FAM169A: variants seen among roughly 807,000 people sequenced by gnomAD.
FAM169A encodes the protein soluble lamin-associated protein of 75 kDa.
Under a neutral mutation model 75.7 loss-of-function variants are expected in FAM169A, and 24 were observed. The observed-to-expected ratio is 0.32, with a 90% CI of 0.23 to 0.45. The LOEUF is 0.45. Among genes scored for constraint, FAM169A ranks in the 20% least tolerant of loss-of-function variants. FAM169A has a pLI of 1.00. For synonymous variants in FAM169A, 271 were observed against 271.0 expected, an observed-to-expected ratio of 1.00 and a Z score of 0.00; for missense variants, 673 against 784.0, an observed-to-expected ratio of 0.86 and a Z score of 1.69.
intron 1 of FAM169A, among the ~76,000 whole-genome samples, chr5:74,856,595 C>T (rs1464623828): frequency 6.6e-6 from 1 of 151,916 alleles, no homozygotes; most frequent in Non-Finnish European, 1.5e-5. Flanking sequence ...AAATACACTA[C>T]ATTGCACTAT....
intron 6 of FAM169A, among the ~76,000 whole-genome samples, chr5:74,810,677 G>A (rs1747133726): frequency 6.7e-6 from 1 of 150,292 alleles, no homozygotes; most frequent in South Asian, 2.1e-4. Context: ...GTGAACCCGG[G>A]AGGCAGAGCT....
intron 10 of FAM169A, among the ~76,000 whole-genome samples, chr5:74,797,785 C>T (rs1746356127): frequency 6.6e-6 from 1 of 150,708 alleles, no homozygotes; most frequent in Non-Finnish European, 1.5e-5. Flanking sequence ...GATAAGGAGT[C>T]AGCAAACCTT....
chr5:74,819,751 C>G (rs998302498), intron 5 of FAM169A, among the ~76,000 whole-genome samples: 29 of 152,100 alleles, frequency 1.9e-4, no homozygotes, highest in African/African-American at 6.8e-4. Context: ...ATACATGCTA[C>G]CATATGAATA....
intron 5 of FAM169A, among the ~76,000 whole-genome samples, chr5:74,823,864 AC>A (rs1272393440): frequency 6.6e-6 from 1 of 152,194 alleles, no homozygotes; most frequent in Non-Finnish European, 1.5e-5. Context: ...GCTGGGTTTC[AC>A]TTTTAGCTAT....
At chr5:74,836,873 G>A (rs1008526463) in intron 4 of FAM169A, among the ~76,000 whole-genome samples, 1 of 151,846 alleles carries the variant, frequency 6.6e-6, no homozygotes. Flanking sequence ...GCTTGAACCC[G>A]GGAGGCAGAG....
chr5:74,816,295 T>C (rs926911996), intron 5 of FAM169A, among the ~76,000 whole-genome samples: 5 of 152,226 alleles, frequency 3.3e-5, no homozygotes, highest in African/African-American at 1.2e-4. Flanking sequence ...TCTGAGGATC[T>C]ATGGTTGTTC....
intron 5 of FAM169A, among the ~76,000 whole-genome samples, chr5:74,818,912 C>A (rs1384123791): frequency 6.6e-6 from 1 of 151,170 alleles, no homozygotes; most frequent in African/African-American, 2.4e-5. Flanking sequence ...GTTTTTAAAA[C>A]AACCCAATTA....
intron 5 of FAM169A, among the ~76,000 whole-genome samples, chr5:74,815,849 T>C (rs1335682549): frequency 6.6e-6 from 1 of 152,160 alleles, no homozygotes; most frequent in Non-Finnish European, 1.5e-5. Context: ...CCAAATGCCA[T>C]GGCAACATCA....
intron 1 of FAM169A, among the ~76,000 whole-genome samples, chr5:74,843,012 T>C (rs1748963622): frequency 6.6e-6 from 1 of 151,002 alleles, no homozygotes; most frequent in Non-Finnish European, 1.5e-5. Context: ...AAAATTAGCA[T>C]ACATAAAGAC....
intron 5 of FAM169A, among the ~76,000 whole-genome samples, chr5:74,819,993 CTTT>C (rs56815603): frequency 6.7e-5 from 8 of 119,070 alleles, no homozygotes; most frequent in African/African-American, 2.0e-4. Flanking sequence ...GAATTGTATC[CTTT>C]TTTTTTTTTT....
intron 6 of FAM169A, among the ~76,000 whole-genome samples, chr5:74,808,011 A>C (rs1452581478): frequency 6.6e-6 from 1 of 152,190 alleles, no homozygotes; most frequent in East Asian, 1.9e-4. Flanking sequence ...AGGCAGGAGA[A>C]TCACTTGAAC....
chr5:74,839,898 G>A (rs541281590), intron 3 of FAM169A, among the ~76,000 whole-genome samples, 176 bp downstream of exon 3: 3 of 152,010 alleles, frequency 2.0e-5, no homozygotes, highest in African/African-American at 7.2e-5. Flanking sequence ...TGTGATAGCA[G>A]ACATTCATCC....
chr5:74,804,667 T>C (rs565651872), intron 7 of FAM169A, 62 bp from the exon 8 acceptor site: 2 of 912,028 alleles, frequency 2.2e-6, no homozygotes, highest in South Asian at 3.5e-5. Context: ...ACTCTAACAT[T>C]GTACTGATTT....
chr5:74,847,954 A>G (rs765990428), intron 1 of FAM169A, among the ~76,000 whole-genome samples: 3 of 152,168 alleles, frequency 2.0e-5, no homozygotes. Flanking sequence ...CAGGGGAGAA[A>G]CCCCTTAGTT....
intron 1 of FAM169A, among the ~76,000 whole-genome samples, chr5:74,842,175 A>G (rs1370503791): frequency 7.8e-6 from 1 of 127,644 alleles, no homozygotes; most frequent in East Asian, 2.0e-4. Flanking sequence ...TAATTCCAGC[A>G]CTTTGGGGGG....
intron 5 of FAM169A, among the ~76,000 whole-genome samples, chr5:74,827,810 C>G (rs961690308): frequency 6.6e-6 from 1 of 151,638 alleles, no homozygotes; most frequent in Non-Finnish European, 1.5e-5. Flanking sequence ...TTACAGGAAC[C>G]CGCCATCATG....
chr5:74,835,833 T>C (rs1429831471), intron 4 of FAM169A, among the ~76,000 whole-genome samples: 1 of 152,168 alleles, frequency 6.6e-6, no homozygotes, highest in Non-Finnish European at 1.5e-5. Flanking sequence ...CCCACAGTTC[T>C]GACCAACAAC....
At chr5:74,822,189 C>A (rs1747798094) in intron 5 of FAM169A, among the ~76,000 whole-genome samples, 1 of 152,222 alleles carries the variant, frequency 6.6e-6, no homozygotes, top group African/African-American at 2.4e-5. Flanking sequence ...ACCAGGGCCA[C>A]CAAGTTCCTT....
chr5:74,823,507 CTAA>C (rs1580128490), intron 5 of FAM169A, among the ~76,000 whole-genome samples: 2 of 152,156 alleles, frequency 1.3e-5, no homozygotes, highest in Admixed American at 6.6e-5. Context: ...TTTTGATTAT[CTAA>C]TAATACAGCT....
Sources: gnomAD v4.1 joint callset for allele counts (sites outside exome capture counted in the v4.1 genomes callset) on GRCh38, gnomAD v4.1.1 for gene constraint, MANE v1.5 for transcripts, NCBI Gene and HGNC (gene_info 2026-07-23, HGNC 2026-07-21) for gene names.